EXOC6B: variants seen among roughly 807,000 people sequenced by gnomAD.
EXOC6B encodes exocyst complex component 6B, also known as SEC15 homolog B.
EXOC6B carries 54 observed loss-of-function variants against 113.5 expected under a neutral mutation model. The observed-to-expected ratio is 0.48, with a 90% confidence interval of 0.38 to 0.60. The LOEUF is 0.60. EXOC6B is among the 20% of genes least tolerant of loss of function. EXOC6B has a pLI of 0.00. For missense variants in EXOC6B, 797 were observed against 977.5 expected (o/e 0.82, Z 2.46); for synonymous variants, 357 against 339.0 (o/e 1.05, Z -0.58).
chr2:72,270,077 C>A (rs1021814148), intron 20 of EXOC6B, among the ~76,000 whole-genome samples: 2 of 152,064 alleles, frequency 1.3e-5, no homozygotes, highest in African/African-American at 4.8e-5. Flanking sequence ...CATCACTGGT[C>A]TGGGTTAGCA....
intron 1 of EXOC6B, among the ~76,000 whole-genome samples, chr2:72,749,896 T>G (rs1333530677): frequency 6.6e-6 from 1 of 151,898 alleles, no homozygotes; most frequent in African/African-American, 2.4e-5. Flanking sequence ...CCATGCAAGT[T>G]TCCTAGAATC....
intron 18 of EXOC6B, among the ~76,000 whole-genome samples, chr2:72,381,784 T>C (rs1190015182): frequency 6.6e-6 from 1 of 152,158 alleles, no homozygotes; most frequent in Non-Finnish European, 1.5e-5. Flanking sequence ...TTTCGTAGAG[T>C]ATTACTTCAT....
At chr2:72,401,591 A>G (rs1205883299) in intron 18 of EXOC6B, among the ~76,000 whole-genome samples, 2 of 43,424 alleles carry the variant, frequency 4.6e-5, no homozygotes, top group Non-Finnish European at 7.0e-5. Flanking sequence ...ACATATATAT[A>G]TATATATATA....
intron 6 of EXOC6B, among the ~76,000 whole-genome samples, chr2:72,585,595 A>AC (rs1705514189): frequency 6.6e-6 from 1 of 151,734 alleles, no homozygotes; most frequent in African/African-American, 2.4e-5. Context: ...CAAAAAAAAA[A>AC]AAAGAAATGA....
At chr2:72,582,380 G>A (rs1229540604) in intron 6 of EXOC6B, among the ~76,000 whole-genome samples, 3 of 151,912 alleles carry the variant, frequency 2.0e-5, no homozygotes, top group East Asian at 1.9e-4. Context: ...AAAAAAGGCT[G>A]GGCACCTGTG....
chr2:72,575,149 C>T (rs956533546), intron 7 of EXOC6B, among the ~76,000 whole-genome samples: 11 of 152,178 alleles, frequency 7.2e-5, no homozygotes, highest in African/African-American at 2.4e-4. Context: ...CTGGACTAAC[C>T]GTTGCAGTTT....
chr2:72,757,151 A>G (rs1339273192), intron 1 of EXOC6B, among the ~76,000 whole-genome samples: 1 of 152,238 alleles, frequency 6.6e-6, no homozygotes, highest in African/African-American at 2.4e-5. Flanking sequence ...TAGATGCTCA[A>G]TAAAATATTA....
intron 6 of EXOC6B, among the ~76,000 whole-genome samples, chr2:72,632,420 T>C (rs1672532433): frequency 2.6e-5 from 4 of 152,230 alleles, no homozygotes; most frequent in Admixed American, 1.3e-4. Context: ...GTCTATATTC[T>C]TTAATCCAAT....
intron 19 of EXOC6B, among the ~76,000 whole-genome samples, chr2:72,350,006 T>A (rs147132312): frequency 6.6e-6 from 1 of 152,110 alleles, no homozygotes; most frequent in Non-Finnish European, 1.5e-5. Flanking sequence ...GGTCAGAACA[T>A]AAAGTCCAAT....
At chr2:72,485,654 T>C (rs936178317) in intron 16 of EXOC6B, among the ~76,000 whole-genome samples, 2 of 152,236 alleles carry the variant, frequency 1.3e-5, no homozygotes, top group African/African-American at 4.8e-5. Flanking sequence ...AAGTTTATAT[T>C]TGACTAGACT....
At chr2:72,655,447 C>G (rs1411218767) in intron 6 of EXOC6B, among the ~76,000 whole-genome samples, 1 of 151,682 alleles carries the variant, frequency 6.6e-6, no homozygotes, top group Non-Finnish European at 1.5e-5. Flanking sequence ...GAGAAAAAAA[C>G]ATGTGGCACA....
intron 20 of EXOC6B, among the ~76,000 whole-genome samples, chr2:72,236,028 A>G (rs905822535): frequency 7.9e-5 from 12 of 152,168 alleles, no homozygotes; most frequent in African/African-American, 2.7e-4. Context: ...CATTCTGACT[A>G]TTTCTGAGAA....
intron 20 of EXOC6B, among the ~76,000 whole-genome samples, chr2:72,314,870 A>G (rs1273733740): frequency 6.6e-6 from 1 of 152,200 alleles, no homozygotes; most frequent in Non-Finnish European, 1.5e-5. Flanking sequence ...AAGGCCTACC[A>G]TGTATTAAGG....
At chr2:72,719,663 A>T (rs765135628) in intron 5 of EXOC6B, among the ~76,000 whole-genome samples, 1 of 152,240 alleles carries the variant, frequency 6.6e-6, no homozygotes, top group Non-Finnish European at 1.5e-5. Flanking sequence ...TTGTTTGAGC[A>T]TAACCTCTAA....
chr2:72,550,498 T>C (rs2105819258), intron 8 of EXOC6B, among the ~76,000 whole-genome samples: 1 of 152,304 alleles, frequency 6.6e-6, no homozygotes, highest in South Asian at 2.1e-4. Context: ...ACTGTACCTT[T>C]TCAAAACTAG....
chr2:72,792,741 C>T (rs1181005574), intron 1 of EXOC6B, among the ~76,000 whole-genome samples: 1 of 152,088 alleles, frequency 6.6e-6, no homozygotes, highest in African/African-American at 2.4e-5. Flanking sequence ...GCTTGGTTAC[C>T]ACAATCATTT....
intron 20 of EXOC6B, among the ~76,000 whole-genome samples, chr2:72,228,696 T>C (rs1464063553): frequency 6.6e-6 from 1 of 152,216 alleles, no homozygotes; most frequent in Non-Finnish European, 1.5e-5. Context: ...TCCAAGTCTT[T>C]GCTATTGTGA....
chr2:72,587,982 A>T (rs1214124850), intron 6 of EXOC6B, among the ~76,000 whole-genome samples: 2 of 152,168 alleles, frequency 1.3e-5, no homozygotes, highest in Non-Finnish European at 2.9e-5. Flanking sequence ...CCACAAGGAG[A>T]TATCCTCACA....
At chr2:72,728,966 T>C (rs1017359422) in intron 5 of EXOC6B, among the ~76,000 whole-genome samples, 1 of 152,174 alleles carries the variant, frequency 6.6e-6, no homozygotes, top group Non-Finnish European at 1.5e-5. Context: ...CCTACTAGTA[T>C]GCAAGCCCCA....
Sources: allele counts gnomAD v4.1 joint callset (sites outside exome capture counted in the v4.1 genomes callset), GRCh38; gene constraint gnomAD v4.1.1; transcripts MANE v1.5; gene names NCBI Gene and HGNC (gene_info 2026-07-23, HGNC 2026-07-21).